Variants in RELN observed in about 807,000 individuals in gnomAD.
RELN encodes the protein reelin.
In RELN, 108 loss-of-function variants were observed where a neutral mutation model predicts 427.6. That is an observed-to-expected ratio of 0.25 (90% CI 0.22 to 0.30). The LOEUF (loss-of-function observed/expected upper bound fraction) is 0.30. RELN is among the 10% of genes least tolerant of loss of function. RELN has a pLI of 1.00. For missense variants in RELN, 3,715 were observed against 4,302.8 expected (o/e 0.86, Z 3.82); for synonymous variants, 1,524 against 1,513.4 (o/e 1.01, Z -0.16).
At chr7:103,599,898 G>A (rs986724278) in intron 24 of RELN, among the ~76,000 whole-genome samples, 2 of 151,968 alleles carry the variant, frequency 1.3e-5, no homozygotes, top group Non-Finnish European at 2.9e-5. Flanking sequence ...ATGTATGCAT[G>A]TATTATTTAT....
At chr7:103,612,585 C>A (rs1439566586) in intron 20 of RELN, among the ~76,000 whole-genome samples, 1 of 152,054 alleles carries the variant, frequency 6.6e-6, no homozygotes, top group Non-Finnish European at 1.5e-5. Context: ...TGAAATAAGT[C>A]TTAAAAAGCC....
At chr7:103,931,672 T>C (rs16873008) in intron 1 of RELN, among the ~76,000 whole-genome samples, 14,920 of 152,292 alleles carry the variant, frequency 0.098, 1,360 homozygotes, top group African/African-American at 0.23. Flanking sequence ...AATTTTGTGA[T>C]AGCTATTAGA....
rs376538377 is a variant in RELN at position 103,632,365 on chromosome 7, G to A, written c.2466-2189C>T. ...AGAGCAGTATCTGGCACATAATAAG[G>A]ACTCAACAAATTTTTGCTGCATAGT... On this transcript the variant is annotated intron_variant, in intron 19 of 64. Transcript: ENST00000428762. Among the ~76,000 whole-genome samples the A allele has an allele frequency of 8.5e-5, 13 of 152,282 alleles. No individual in the cohort carries two copies. In the South Asian group the frequency reaches 2.7e-3, roughly 32 times the overall value.
At chr7:103,939,332 A>G (rs111401172) in intron 1 of RELN, among the ~76,000 whole-genome samples, 1 of 152,236 alleles carries the variant, frequency 6.6e-6, no homozygotes, top group African/African-American at 2.4e-5. Flanking sequence ...ATAGAAAATA[A>G]ATAGAAAAAT....
chr7:103,763,777 G>T (rs2116144042), intron 4 of RELN, among the ~76,000 whole-genome samples: 1 of 152,282 alleles, frequency 6.6e-6, no homozygotes, highest in South Asian at 2.1e-4. Context: ...GTTGGAGAGA[G>T]AGAGAGGTGG....
intron 1 of RELN, among the ~76,000 whole-genome samples, chr7:103,970,387 C>T (rs948687224): frequency 1.3e-5 from 2 of 152,110 alleles, no homozygotes; most frequent in Non-Finnish European, 2.9e-5. Context: ...CAAGTGAATT[C>T]GCCCACCTGG....
At chr7:103,482,303 C>G (rs1828270000) in intron 63 of RELN, 1 of 161,918 alleles carries the variant, frequency 6.2e-6, no homozygotes, top group East Asian at 1.8e-4. Context: ...AGTCATCTCT[C>G]TGTGAGGGAA....
chr7:103,652,786 C>T, intron 13 of RELN, 27 bp from the exon 14 acceptor site: 1 of 1,601,064 alleles, frequency 6.2e-7, no homozygotes, highest in South Asian at 1.1e-5. Flanking sequence ...ACCAGAATCA[C>T]TCAAAATCCT....
chr7:103,495,630 C>T, intron 57 of RELN, 93 bp downstream of exon 57: 1 of 1,165,136 alleles, frequency 8.6e-7, no homozygotes, highest in Non-Finnish European at 1.3e-6. Flanking sequence ...TGAATAATAT[C>T]AGTCATTTCC....
rs187315630 is a variant in RELN, at chr7:103,806,573, C to T, written c.473+26964G>A. 1.4e-3 allele frequency among the ~76,000 whole-genome samples: 206 copies of T among 152,230 alleles called. 1 individual carries two copies. Among genetic ancestry groups the T allele is most frequent in the African/African-American group, 4.8e-3 (199 of 41,540 alleles). On this transcript the variant is annotated intron_variant, in intron 3 of 64. Transcript: ENST00000428762. ...CTCCTGGCCTCAAGTGATCCACCCACCTCAGCTTCCCAAAGTGCTGGGATT... is the reference window on the plus strand; with the variant it reads ...CTCCTGGCCTCAAGTGATCCACCCATCTCAGCTTCCCAAAGTGCTGGGATT...
At chr7:103,669,489 TAG>T (rs1374804212) in intron 11 of RELN, among the ~76,000 whole-genome samples, 1 of 152,152 alleles carries the variant, frequency 6.6e-6, no homozygotes, top group Non-Finnish European at 1.5e-5. Flanking sequence ...GGACTTCAGG[TAG>T]AGTCTTTACT....
chr7:103,780,474 G>A (rs529709452), intron 3 of RELN, among the ~76,000 whole-genome samples: 1 of 152,156 alleles, frequency 6.6e-6, no homozygotes, highest in Non-Finnish European at 1.5e-5. Context: ...ACTGGGGTTT[G>A]TTGTACAGAT....
At chr7:103,586,986 C>T (rs1831288562) in intron 28 of RELN, among the ~76,000 whole-genome samples, 1 of 152,090 alleles carries the variant, frequency 6.6e-6, no homozygotes, top group Non-Finnish European at 1.5e-5. Flanking sequence ...CAATGTAATT[C>T]CTATCAAATT....
At chr7:103,918,914 A>C (rs1482976991) in intron 1 of RELN, among the ~76,000 whole-genome samples, 1 of 152,186 alleles carries the variant, frequency 6.6e-6, no homozygotes, top group African/African-American at 2.4e-5. Context: ...AGTATGCATA[A>C]ATTTTATCAG....
chr7:103,482,848 G>C (rs773022712), intron 63 of RELN, 25 bp downstream of exon 63: 2 of 1,613,908 alleles, frequency 1.2e-6, no homozygotes, highest in Non-Finnish European at 1.7e-6. Flanking sequence ...AAATGGACAT[G>C]GGATGCCATG....
At chr7:103,475,389 G>A (rs1173442770) in intron 64 of RELN, among the ~76,000 whole-genome samples, 2 of 152,070 alleles carry the variant, frequency 1.3e-5, no homozygotes, top group Non-Finnish European at 2.9e-5. Context: ...TGCATGGGTG[G>A]TCAAGGCATG....
chr7:103,543,040 T>G (rs1830208478), intron 42 of RELN, among the ~76,000 whole-genome samples, 162 bp from the exon 43 acceptor site: 1 of 152,270 alleles, frequency 6.6e-6, no homozygotes, highest in African/African-American at 2.4e-5. Flanking sequence ...ACATTTCAGC[T>G]TGTTTGAATT....
intron 38 of RELN, among the ~76,000 whole-genome samples, chr7:103,554,377 G>A (rs1246567766): frequency 6.6e-6 from 1 of 151,618 alleles, no homozygotes; most frequent in Non-Finnish European, 1.5e-5. Flanking sequence ...GGGCAATATG[G>A]CAAAACCTCG....
chr7:103,938,915 A>G (rs1011731275), intron 1 of RELN, among the ~76,000 whole-genome samples: 8 of 152,186 alleles, frequency 5.3e-5, no homozygotes, highest in African/African-American at 1.9e-4. Context: ...TATGAGCTAA[A>G]AAAGTCATTC....
Sources: gnomAD v4.1 joint callset for allele counts (sites outside exome capture counted in the v4.1 genomes callset) on GRCh38, gnomAD v4.1.1 for gene constraint, MANE v1.5 for transcripts, NCBI Gene and HGNC (gene_info 2026-07-23, HGNC 2026-07-21) for gene names.